HOATZ: variants seen among roughly 807,000 people sequenced by gnomAD.
HOATZ encodes the protein HOATZ cilia and flagella associated protein, also known as cilia- and flagella-associated protein HOATZ.
In HOATZ, 26 loss-of-function variants were observed where a neutral mutation model predicts 24.9. The ratio of observed to expected loss-of-function variants is 1.04; its 90% CI spans 0.76 to 1.45. HOATZ has a LOEUF of 1.45. Among genes scored for constraint, HOATZ ranks in the 40% most tolerant of loss-of-function variants. The pLI, the probability that HOATZ is intolerant of heterozygous loss-of-function variation, is 0.00. For missense variants in HOATZ, 226 were observed against 201.5 expected (o/e 1.12, Z -0.74); for synonymous variants, 83 against 76.6 (o/e 1.08, Z -0.43).
At chr11:111,516,202 C>T (rs896335456) in intron 3 of HOATZ, 92 bp downstream of exon 3, 2 of 726,110 alleles carry the variant, frequency 2.8e-6, no homozygotes, top group African/African-American at 3.6e-5. Flanking sequence ...AAATCTGCTA[C>T]TTCTAGTGCA....
At chr11:111,527,872 C>A (rs1401721656) in intron 3 of HOATZ, among the ~76,000 whole-genome samples, 2 of 152,148 alleles carry the variant, frequency 1.3e-5, no homozygotes, top group Admixed American at 1.3e-4. Flanking sequence ...TCAATAAAAA[C>A]CTTAAGTCAA....
At position 111,515,565 on chromosome 11, in the gene HOATZ, T is replaced by G; in HGVS notation, c.268+13T>G. The G allele has an allele frequency of 6.2e-7, 1 of 1,607,416 alleles. No homozygotes were observed. Among genetic ancestry groups the G allele is most frequent in the Non-Finnish European group, 8.5e-7 (1 of 1,174,012 alleles). Reference sequence around the variant, plus strand: ...CTTGCGAGTAACAGTAAGTACCAAGTTTTATGCCTTTCAACATTCTGACTC... The same window carrying G: ...CTTGCGAGTAACAGTAAGTACCAAGGTTTATGCCTTTCAACATTCTGACTC... On this transcript the variant is annotated intron_variant, in intron 2 of 5. Coordinates refer to ENST00000375618, the MANE Select transcript of HOATZ (RefSeq NM_001100388.2).
chr11:111,530,812 T>G (rs1305267224), intron 3 of HOATZ, among the ~76,000 whole-genome samples: 1 of 152,180 alleles, frequency 6.6e-6, no homozygotes, highest in African/African-American at 2.4e-5. Flanking sequence ...GAATTGTATT[T>G]AGCTTTCCTG....
chr11:111,516,509 G>A (rs1020983167), intron 3 of HOATZ, among the ~76,000 whole-genome samples: 4 of 150,542 alleles, frequency 2.7e-5, no homozygotes, highest in Admixed American at 1.3e-4. Context: ...AGGAATTCAA[G>A]ACCAGCCTGG....
At chr11:111,516,874 T>C (rs1291200141) in intron 3 of HOATZ, among the ~76,000 whole-genome samples, 1 of 152,262 alleles carries the variant, frequency 6.6e-6, no homozygotes, top group Non-Finnish European at 1.5e-5. Flanking sequence ...AGCACAGTTC[T>C]CTTTCTGGCA....
intron 5 of HOATZ, chr11:111,535,400 A>G (rs570562940): frequency 6.6e-6 from 1 of 152,358 alleles, no homozygotes; most frequent in South Asian, 2.1e-4. Flanking sequence ...ATAGTGGATG[A>G]AGACTGCTAC....
chr11:111,514,792 C>A lies in HOATZ; in HGVS notation c.8C>A (p.Thr3Lys). Residue 3 changes from threonine to lysine, a missense_variant, in exon 1 of 6, where the codon ACG (threonine) becomes AAG (lysine). By Grantham distance (78) the Thr-to-Lys change is moderately conservative. Coordinates refer to ENST00000375618, the MANE Select transcript of HOATZ (RefSeq NM_001100388.2). Reference sequence around the variant, plus strand: ...GAAGCGTCCTCAGTTGCCATGGAAACGGGACCCAGCGAAGAACCTAGCGGC... The same window carrying A: ...GAAGCGTCCTCAGTTGCCATGGAAAAGGGACCCAGCGAAGAACCTAGCGGC... ME[T>K]GPSEEPSGRK... The A allele has an allele frequency of 1.2e-6, 2 of 1,613,674 alleles. No individual in the cohort carries two copies. Among genetic ancestry groups the A allele is most frequent in the Non-Finnish European group, 1.7e-6 (2 of 1,179,782 alleles).
chr11:111,516,580 G>T (rs1042239698), intron 3 of HOATZ, among the ~76,000 whole-genome samples: 1 of 152,078 alleles, frequency 6.6e-6, no homozygotes, highest in African/African-American at 2.4e-5. Context: ...TGCCAGGCCT[G>T]CTGGTGCATA....
intron 4 of HOATZ, among the ~76,000 whole-genome samples, chr11:111,534,102 A>G (rs2135782717): frequency 6.6e-6 from 1 of 152,360 alleles, no homozygotes; most frequent in South Asian, 2.1e-4. Flanking sequence ...TTCAGTGCTA[A>G]TATTTGTTTA....
At chr11:111,527,415 A>T (rs1191254442) in intron 3 of HOATZ, among the ~76,000 whole-genome samples, 1 of 152,214 alleles carries the variant, frequency 6.6e-6, no homozygotes, top group East Asian at 1.9e-4. Context: ...CTAGGAGTTG[A>T]GCCAAGATCA....
intron 3 of HOATZ, among the ~76,000 whole-genome samples, chr11:111,521,154 C>A (rs1012919573): frequency 2.0e-5 from 3 of 152,082 alleles, no homozygotes; most frequent in Non-Finnish European, 4.4e-5. Flanking sequence ...CCTACAGTTT[C>A]TTCTGCCTGG....
intron 3 of HOATZ, among the ~76,000 whole-genome samples, chr11:111,528,034 A>T (rs1867357556): frequency 1.3e-5 from 2 of 152,194 alleles, no homozygotes. Flanking sequence ...ATTAAAAATT[A>T]AGGCTAGGTA....
At position 111,536,938 on chromosome 11, in the gene HOATZ, A is replaced by G; in HGVS notation, c.*111A>G. ...TGGCAACATTATAGTAGACAAAGAAATACAAGTTAAATACGCAGACTTCCA... is the reference window on the plus strand; with the variant it reads ...TGGCAACATTATAGTAGACAAAGAAGTACAAGTTAAATACGCAGACTTCCA... On this transcript the variant is annotated 3_prime_UTR_variant, in exon 6 of 6. Transcript: ENST00000375618. 1 of 818,040 alleles carries G rather than the reference A, an allele frequency of 1.2e-6. No homozygotes were observed. The allele number at this position is 818,040 out of a possible 1,614,324, so 50.7% of individuals were successfully genotyped here.
intron 3 of HOATZ, among the ~76,000 whole-genome samples, chr11:111,517,223 A>C (rs1385369745): frequency 1.9e-4 from 29 of 152,164 alleles, no homozygotes; most frequent in Non-Finnish European, 2.9e-5. Flanking sequence ...TCTTTAGAAT[A>C]TTATGTACTG....
At chr11:111,523,908 G>A (rs1867300949) in intron 3 of HOATZ, among the ~76,000 whole-genome samples, 3 of 152,246 alleles carry the variant, frequency 2.0e-5, no homozygotes, top group South Asian at 4.1e-4. Flanking sequence ...CTAGGACCCT[G>A]GGCATCCCCC....
chr11:111,522,079 T>C (rs968874949), intron 3 of HOATZ, among the ~76,000 whole-genome samples: 1 of 152,250 alleles, frequency 6.6e-6, no homozygotes, highest in Admixed American at 6.5e-5. Context: ...TCCAAATGCA[T>C]CTCTTCCTCT....
At position 111,514,975 on chromosome 11, in the gene HOATZ, T is replaced by C; in HGVS notation, c.191T>C (p.Leu64Pro). ...LVLRRDSSQR[L>P]PVARPRRSRG... ...CTGCGCAGAGACAGCAGTCAGCGTC[T>C]GCCGGTGGCGCGGCCCAGGAGGAGC... is the stretch of plus-strand genomic sequence containing the variant. The change falls in exon 1 of 6, where the codon CTG becomes CCG. Residue 64 changes from leucine to proline, a missense_variant. Transcript: ENST00000375618. 1.2e-6 allele frequency: 2 copies of C among 1,613,618 alleles called. No individual in the cohort carries two copies. Among genetic ancestry groups the C allele is most frequent in the Non-Finnish European group, 1.7e-6 (2 of 1,180,032 alleles).
chr11:111,529,904 T>G (rs1036254732), intron 3 of HOATZ, among the ~76,000 whole-genome samples: 1 of 152,148 alleles, frequency 6.6e-6, no homozygotes, highest in Non-Finnish European at 1.5e-5. Context: ...ATCTTTAACA[T>G]CTCTCCTTGT....
At position 111,534,466 on chromosome 11, in the gene HOATZ, T is replaced by G; in HGVS notation, c.452+2T>G. The G allele has an allele frequency of 1.9e-6, 3 of 1,601,382 alleles. No individual in the cohort carries two copies. Among genetic ancestry groups the G allele is most frequent in the Non-Finnish European group, 2.6e-6 (3 of 1,168,484 alleles). The stretch of plus-strand genomic sequence containing the variant: ...AAAAGCCAAAGAACACAAAGCAAAG[T>G]AAGTTTACCTATGTCAAAAATATTC... On this transcript the variant is annotated splice_donor_variant, in intron 5 of 5. Transcript: ENST00000375618. LOFTEE classifies it high-confidence loss of function.
Sources: allele counts gnomAD v4.1 joint callset (sites outside exome capture counted in the v4.1 genomes callset), GRCh38; gene constraint gnomAD v4.1.1; transcripts MANE v1.5; gene names NCBI Gene and HGNC (gene_info 2026-07-23, HGNC 2026-07-21).